Variants in PIK3C2A observed in about 807,000 individuals in gnomAD.
PIK3C2A encodes phosphatidylinositol-4-phosphate 3-kinase catalytic subunit type 2 alpha, also known as phosphatidylinositol 4-phosphate 3-kinase C2 domain-containing subunit alpha.
In PIK3C2A, 97 loss-of-function variants were observed where a neutral mutation model predicts 204.5. The observed-to-expected ratio is 0.47, with a 90% CI of 0.40 to 0.56. The LOEUF (loss-of-function observed/expected upper bound fraction) is 0.56. Among genes scored for constraint, PIK3C2A ranks in the 20% least tolerant of loss-of-function variants. PIK3C2A has a pLI of 0.00. For missense variants in PIK3C2A, 1,735 were observed against 1,969.2 expected (o/e 0.88, Z 2.25); for synonymous variants, 653 against 664.4 (o/e 0.98, Z 0.26).
chr11:17,119,026 C>A (rs999744311), intron 17 of PIK3C2A, among the ~76,000 whole-genome samples, 194 bp downstream of exon 17: 7 of 152,070 alleles, frequency 4.6e-5, no homozygotes, highest in African/African-American at 1.7e-4. Flanking sequence ...AATACAGGTG[C>A]CTATATACAA....
At chr11:17,187,323 T>C (rs1413599170) in intron 1 of PIK3C2A, among the ~76,000 whole-genome samples, 1 of 152,128 alleles carries the variant, frequency 6.6e-6, no homozygotes, top group Non-Finnish European at 1.5e-5. Context: ...TGACACAGGA[T>C]AAGGACTGGA....
rs138569196 is a variant in PIK3C2A at position 17,169,466 on chromosome 11, T to C, written c.276A>G (p.Val92=). The C allele has an allele frequency of 2.5e-5, 40 of 1,614,018 alleles. No individual in the cohort carries two copies. The African/African-American group carries it at 4.9e-4, about 20-fold the overall frequency. The change falls in exon 2 of 33, where the codon GTA becomes GTG. Residue 92 remains valine, a synonymous_variant. Coordinates refer to ENST00000691414, the MANE Select transcript of PIK3C2A (RefSeq NM_002645.4). ...DSQKRALDID[V]EKLTQAELEK... ...CAAGTTCAGCTTGGGTGAGCTTTTC[T>C]ACATCAATATCTAATGCTCTTTTTT...
intron 2 of PIK3C2A, among the ~76,000 whole-genome samples, chr11:17,168,307 C>A (rs1306362441): frequency 6.6e-6 from 1 of 152,046 alleles, no homozygotes; most frequent in South Asian, 2.1e-4. Context: ...ATGGGCTGGG[C>A]GCAGTGGCTC....
At chr11:17,181,695 A>C (rs865981902) in intron 1 of PIK3C2A, among the ~76,000 whole-genome samples, 4,989 of 106,822 alleles carry the variant, frequency 0.047, 264 homozygotes, top group Non-Finnish European at 0.067. Context: ...CACACACACA[A>C]ACACACACAC....
intron 13 of PIK3C2A, among the ~76,000 whole-genome samples, chr11:17,127,123 G>T (rs1434743121): frequency 6.6e-6 from 1 of 151,932 alleles, no homozygotes; most frequent in East Asian, 1.9e-4. Flanking sequence ...TTAGCAAAAG[G>T]TTCCTAATAC....
At chr11:17,132,069 T>C (rs1183886245) in intron 11 of PIK3C2A, 31 bp from the exon 12 acceptor site, 12 of 1,311,418 alleles carry the variant, frequency 9.2e-6, no homozygotes, top group Non-Finnish European at 1.2e-5. Context: ...TTGATTTCTA[T>C]CATGATAATA....
At chr11:17,200,275 C>T (rs1236624835) in intron 1 of PIK3C2A, among the ~76,000 whole-genome samples, 4 of 151,920 alleles carry the variant, frequency 2.6e-5, no homozygotes, top group Non-Finnish European at 4.4e-5. Context: ...TAGAACCTTG[C>T]AGGTTTGACC....
intron 23 of PIK3C2A, among the ~76,000 whole-genome samples, chr11:17,104,703 T>G (rs1407999267): frequency 7.9e-6 from 1 of 126,290 alleles, no homozygotes. Context: ...CCAGCCTGGG[T>G]GACAGAGTGA....
intron 2 of PIK3C2A, among the ~76,000 whole-genome samples, 164 bp downstream of exon 2, chr11:17,168,513 G>A (rs538380144): frequency 7.9e-5 from 12 of 152,204 alleles, no homozygotes; most frequent in South Asian, 4.1e-4. Flanking sequence ...CCTGGGAGGC[G>A]GAGCTTGCAG....
intron 1 of PIK3C2A, among the ~76,000 whole-genome samples, chr11:17,201,370 T>C (rs1852367471): frequency 6.7e-6 from 1 of 149,312 alleles, no homozygotes; most frequent in African/African-American, 2.5e-5. Flanking sequence ...CTACTAAAAA[T>C]ACAAAAATTA....
intron 2 of PIK3C2A, among the ~76,000 whole-genome samples, chr11:17,157,459 CAAAAAAAA>C (rs11387654): frequency 2.0e-5 from 2 of 99,630 alleles, no homozygotes; most frequent in African/African-American, 3.9e-5. Context: ...GACTCTGTCT[CAAAAAAAA>C]AAAAAAAAAA....
At chr11:17,094,062 C>T (rs1848387590) in intron 28 of PIK3C2A, among the ~76,000 whole-genome samples, 199 bp downstream of exon 28, 1 of 152,126 alleles carries the variant, frequency 6.6e-6, no homozygotes, top group Admixed American at 6.6e-5. Context: ...TTTTAACATC[C>T]CGATCATTTA....
In PIK3C2A at chr11:17,169,398, G is replaced by A. The variant is rs141905266; in HGVS notation, c.344C>T (p.Pro115Leu). The A allele has an allele frequency of 6.2e-7, 1 of 1,614,056 alleles. No individual in the cohort carries two copies. Among genetic ancestry groups the A allele is most frequent in the Non-Finnish European group, 8.5e-7 (1 of 1,179,948 alleles). The stretch of plus-strand genomic sequence containing the variant: ...CAGAATAGGAGTAACTGGTAATACA[G>A]GTGTTTTTTTAGTCTCGAAACTGTC... ...LDDSFETKKT[P>L]VLPVTPILSP... Residue 115 changes from proline to leucine, a missense_variant, in exon 2 of 33, where the codon CCT becomes CTT. Physicochemically the swap from Pro to Leu is moderately conservative, Grantham distance 98. Around this residue, in one of 6 missense-constraint regions of PIK3C2A, gnomAD observed 536 missense variants for 546.7 expected, o/e 0.98. Coordinates refer to ENST00000691414, the MANE Select transcript of PIK3C2A (RefSeq NM_002645.4).
chr11:17,125,824 A>T (rs1054150768), intron 13 of PIK3C2A, among the ~76,000 whole-genome samples: 3 of 152,082 alleles, frequency 2.0e-5, no homozygotes, highest in African/African-American at 7.2e-5. Context: ...TATAAAAAAA[A>T]CTTTGTCATA....
chr11:17,165,782 GAAAAAAAAA>G (rs35384397), intron 2 of PIK3C2A, among the ~76,000 whole-genome samples: 1 of 78,854 alleles, frequency 1.3e-5, no homozygotes, highest in Admixed American at 1.4e-4. Flanking sequence ...TCAAAAAAGT[GAAAAAAAAA>G]AAAAAAAAAA....
chr11:17,102,043 A>C (rs1200816458), intron 24 of PIK3C2A, among the ~76,000 whole-genome samples: 3 of 152,270 alleles, frequency 2.0e-5, no homozygotes, highest in Non-Finnish European at 4.4e-5. Context: ...CAGTAGTTAC[A>C]AACATAGAAA....
Position 17,145,927 on chromosome 11 carries a change from T to C in PIK3C2A, c.1576A>G (p.Thr526Ala), listed in dbSNP as rs747790083. ...AGGTGTTTGTTTAAATCCACGGGTG[T>C]TTCATCATCTTCTGCCTAAACAAAC... The part of the protein sequence containing the change: ...NLARTAEDDE[T>A]PVDLNKHLYQ... The change falls in exon 7 of 33, where the codon ACA (threonine) becomes GCA (alanine). Residue 526 changes from threonine to alanine, a missense_variant. Thr to Ala is a moderately conservative substitution (Grantham distance 58). This residue lies in a region of PIK3C2A where 106 missense variants were observed against 108.2 expected (regional missense o/e 0.98). Transcript: ENST00000691414. 5.6e-6 allele frequency: 9 copies of C among 1,613,130 alleles called. No homozygotes were observed. The highest frequency in any genetic ancestry group is 6.8e-6 in the Non-Finnish European group (8 of 1,179,626).
chr11:17,194,795 G>C (rs1300762373), intron 1 of PIK3C2A, among the ~76,000 whole-genome samples: 2 of 151,938 alleles, frequency 1.3e-5, no homozygotes, highest in Non-Finnish European at 1.5e-5. Flanking sequence ...TGTTATCCCA[G>C]CTACTCGGGA....
In PIK3C2A at chr11:17,138,097, T is replaced by C. The variant is rs957405150; in HGVS notation, c.1705-1472A>G. On this transcript the variant is annotated intron_variant, in intron 8 of 32. Coordinates refer to ENST00000691414, the MANE Select transcript of PIK3C2A (RefSeq NM_002645.4). Reference sequence around the variant, plus strand: ...ACATTTAGCACACATGGAATCACCATAGGCCCTGCTGACATGTTTTTTGTT... The same window carrying C: ...ACATTTAGCACACATGGAATCACCACAGGCCCTGCTGACATGTTTTTTGTT... 5.2e-5 allele frequency: 37 copies of C among 717,156 alleles called. 1 individual carries two copies. The highest frequency in any genetic ancestry group is 3.9e-4 in the South Asian group (29 of 73,966). The allele number at this position is 717,156 out of a possible 1,614,324, so 44.4% of individuals were successfully genotyped here.
Sources: gnomAD v4.1 joint callset for allele counts (sites outside exome capture counted in the v4.1 genomes callset) on GRCh38, gnomAD v4.1.1 for gene constraint, gnomAD v4.1.1 regional missense constraint, MANE v1.5 for transcripts, NCBI Gene and HGNC (gene_info 2026-07-23, HGNC 2026-07-21) for gene names.